Variants in CD300LD observed in about 807,000 individuals in gnomAD.
The protein encoded by CD300LD is CMRF35-like molecule 5.
A neutral mutation model predicts 20.3 loss-of-function variants in CD300LD; 18 were observed. That is an observed-to-expected ratio of 0.89 (90% confidence interval 0.61 to 1.32). The LOEUF (loss-of-function observed/expected upper bound fraction) is 1.32, where lower values mean the gene tolerates loss of function less well. Ranked by LOEUF, CD300LD falls within the 40% of genes most tolerant of loss-of-function variation. CD300LD has a pLI of 0.00. For synonymous variants in CD300LD, 104 were observed against 90.1 expected (o/e 1.15, Z -0.87); for missense variants, 195 against 226.6 (o/e 0.86, Z 0.90).
rs764890553 is a variant in CD300LD at position 74,588,886 on chromosome 17, C to T, written c.41-37G>A. ...AAATTCATGTGTCGTCACCTCCCAC[C>T]CCAAGGGCAGGGCCACAGCCTCGTG... On this transcript the variant is annotated intron_variant, in intron 1 of 3. Coordinates refer to ENST00000375352, the MANE Select transcript of CD300LD (RefSeq NM_001115152.2). 4 of 1,507,570 alleles carry T rather than the reference C, an allele frequency of 2.7e-6. No homozygotes were observed. In the African/African-American group the frequency reaches 4.1e-5, roughly 16 times the overall value. 93.4% of individuals were successfully genotyped at this position (1,507,570 alleles called of 1,614,324 possible). A position where few individuals can be genotyped will look rare whatever the true frequency, so the allele number is the denominator to read the frequency against.
intron 2 of CD300LD, among the ~76,000 whole-genome samples, chr17:74,587,386 C>T (rs1249624575): frequency 6.6e-6 from 1 of 152,200 alleles, no homozygotes; most frequent in Admixed American, 6.5e-5. Flanking sequence ...CACATATTCC[C>T]TTATTATTCT....
At chr17:74,584,440 T>C (rs1049804627) in intron 2 of CD300LD, among the ~76,000 whole-genome samples, 3 of 152,236 alleles carry the variant, frequency 2.0e-5, no homozygotes, top group East Asian at 1.9e-4. Flanking sequence ...AACAGAAAAC[T>C]GTTCTCATGA....
intron 2 of CD300LD, among the ~76,000 whole-genome samples, chr17:74,587,502 G>T (rs2030192301): frequency 6.6e-6 from 1 of 152,108 alleles, no homozygotes; most frequent in Non-Finnish European, 1.5e-5. Flanking sequence ...CAGTGTTTCT[G>T]ATGTTTTCAC....
chr17:74,589,560 G>A (rs1457513543), intron 1 of CD300LD, among the ~76,000 whole-genome samples: 1 of 152,210 alleles, frequency 6.6e-6, no homozygotes, highest in Non-Finnish European at 1.5e-5. Flanking sequence ...TAAAGGGTGA[G>A]GAACGGGCAT....
At chr17:74,585,630 A>G (rs1209064840) in intron 2 of CD300LD, among the ~76,000 whole-genome samples, 1 of 152,154 alleles carries the variant, frequency 6.6e-6, no homozygotes, top group Admixed American at 6.5e-5. Flanking sequence ...AACACACCCC[A>G]CTACAGTTTA....
intron 2 of CD300LD, among the ~76,000 whole-genome samples, chr17:74,585,669 A>T (rs558374801): frequency 3.3e-5 from 5 of 152,242 alleles, no homozygotes; most frequent in African/African-American, 7.2e-5. Context: ...AAGCGAGTGT[A>T]GTTAATAATG....
At chr17:74,586,906 T>C (rs1246956401) in intron 2 of CD300LD, among the ~76,000 whole-genome samples, 1 of 152,194 alleles carries the variant, frequency 6.6e-6, no homozygotes, top group Non-Finnish European at 1.5e-5. Context: ...CTACTGCTTA[T>C]TACCTGCCAG....
intron 2 of CD300LD, among the ~76,000 whole-genome samples, chr17:74,586,404 G>GC (rs374646999): frequency 1.1e-3 from 172 of 152,202 alleles, no homozygotes; most frequent in African/African-American, 3.9e-3. Flanking sequence ...TTATAATGCA[G>GC]CCCCCCACCC....
Position 74,588,539 on chromosome 17 carries a change from C to G in CD300LD, c.351G>C (p.Gly117=). 2 of 1,612,626 alleles carry G rather than the reference C, an allele frequency of 1.2e-6. No homozygotes were observed. Among genetic ancestry groups the G allele is most frequent in the Non-Finnish European group, 1.7e-6 (2 of 1,179,118 alleles). ...CGTERPGIDL[G]VKVQVTINPG... is the part of the protein sequence containing the mutation. ...GGTTAATGGTCACTTGAACTTTGAC[C>G]CCAAGATCAATTCCAGGTCTCTCAG... The change falls in exon 2 of 4, where the codon GGG becomes GGC. Residue 117 remains glycine, a synonymous_variant. Coordinates refer to ENST00000375352, the MANE Select transcript of CD300LD (RefSeq NM_001115152.2).
At position 74,592,157 on chromosome 17, in the gene CD300LD, A is replaced by T; in HGVS notation, c.40+6T>A. 6.2e-7 allele frequency: 1 copy of T among 1,614,130 alleles called. No individual in the cohort carries two copies. Among genetic ancestry groups the T allele is most frequent in the Non-Finnish European group, 8.5e-7 (1 of 1,180,016 alleles). On this transcript the variant is annotated splice_donor_region_variant and intron_variant, in intron 1 of 3. Coordinates refer to ENST00000375352, the MANE Select transcript of CD300LD (RefSeq NM_001115152.2). ...TCCAGTGCCTTAAAGCTCCAGCCACACTCACCTGGGAGGATGAGAAGCAGC... is the reference window on the plus strand; with the variant it reads ...TCCAGTGCCTTAAAGCTCCAGCCACTCTCACCTGGGAGGATGAGAAGCAGC...
chr17:74,578,948 T>C (rs2029974525), downstream of CD300LD, among the ~76,000 whole-genome samples: 1 of 152,162 alleles, frequency 6.6e-6, no homozygotes, highest in Non-Finnish European at 1.5e-5. Flanking sequence ...ATGGATTATG[T>C]CACAGTCCCC....
At position 74,586,099 on chromosome 17, in the gene CD300LD, C is replaced by T. The variant is rs531920296; in HGVS notation, c.379+2412G>A. Among the ~76,000 whole-genome samples, 5 of 152,282 alleles carry T rather than the reference C, an allele frequency of 3.3e-5. No homozygotes were observed. In the South Asian group the frequency reaches 6.2e-4, roughly 19 times the overall value. Reference sequence around the variant, plus strand: ...GTGAAGCATCAGATTCCTCATACTGCGGCTACAGAAATGCTAACCTTAACT... The same window carrying T: ...GTGAAGCATCAGATTCCTCATACTGTGGCTACAGAAATGCTAACCTTAACT... On this transcript the variant is annotated intron_variant, in intron 2 of 3. Coordinates refer to ENST00000375352, the MANE Select transcript of CD300LD (RefSeq NM_001115152.2).
Position 74,588,579 on chromosome 17 carries a change from C to T in CD300LD, c.311G>A (p.Ser104Asn), listed in dbSNP as rs761013998. The change falls in exon 2 of 4, where the codon AGT becomes AAT. Residue 104 changes from serine (S) to asparagine (N), a missense_variant. Ser to Asn is a conservative substitution (Grantham distance 46). Transcript: ENST00000375352. ...MENLKRDDAD[S>N]YWCGTERPGI... is the part of the protein sequence containing the mutation. Reference sequence around the variant, plus strand: ...AGGTCTCTCAGTCCCACACCAATAACTGTCAGCATCATCTCTTTTGAGATT... The same window carrying T: ...AGGTCTCTCAGTCCCACACCAATAATTGTCAGCATCATCTCTTTTGAGATT... 1 of 1,614,202 alleles carries T rather than the reference C, an allele frequency of 6.2e-7. No homozygotes were observed. Among genetic ancestry groups the T allele is most frequent in the South Asian group, 1.1e-5 (1 of 91,090 alleles).
At chr17:74,582,153 C>T (rs2030049361) in intron 3 of CD300LD, 65 bp downstream of exon 3, 10 of 1,310,858 alleles carry the variant, frequency 7.6e-6, no homozygotes, top group Non-Finnish European at 1.1e-5. Context: ...ATCTGGCAAC[C>T]CCTGTTAGAG....
chr17:74,583,370 G>C (rs367694497), intron 2 of CD300LD, among the ~76,000 whole-genome samples: 1 of 152,192 alleles, frequency 6.6e-6, no homozygotes, highest in East Asian at 1.9e-4. Context: ...CAAGGCATGC[G>C]AGCACAGAGG....
At chr17:74,581,905 A>T (rs1341268425) in intron 3 of CD300LD, among the ~76,000 whole-genome samples, 1 of 152,212 alleles carries the variant, frequency 6.6e-6, no homozygotes, top group Non-Finnish European at 1.5e-5. Flanking sequence ...GACTTTACTG[A>T]TACAAAGACG....
chr17:74,588,488 C>T, intron 2 of CD300LD, 23 bp downstream of exon 2: 1 of 1,501,918 alleles, frequency 6.7e-7, no homozygotes, highest in South Asian at 1.2e-5. Flanking sequence ...GAGAGACACA[C>T]ACGTATATAC....
intron 1 of CD300LD, 51 bp from the exon 2 acceptor site, chr17:74,588,900 C>T: frequency 7.3e-7 from 1 of 1,379,244 alleles, no homozygotes; most frequent in East Asian, 2.3e-5. Flanking sequence ...AGGGCAGGGC[C>T]ACAGCCTCGT....
intron 2 of CD300LD, among the ~76,000 whole-genome samples, chr17:74,583,052 A>G (rs913132638): frequency 6.6e-6 from 1 of 152,202 alleles, no homozygotes; most frequent in Non-Finnish European, 1.5e-5. Context: ...TAAAGAGAAC[A>G]ATATGTTAAA....
Sources: gnomAD v4.1 joint callset for allele counts (sites outside exome capture counted in the v4.1 genomes callset) on GRCh38, gnomAD v4.1.1 for gene constraint, MANE v1.5 for transcripts, NCBI Gene and HGNC (gene_info 2026-07-23, HGNC 2026-07-21) for gene names.